The following KSR2 variants were observed in gnomAD, a reference collection of about 807,000 sequenced individuals.
KSR2 encodes kinase suppressor of ras 2.
In KSR2, 25 loss-of-function variants were observed where a neutral mutation model predicts 107.8. That is an observed-to-expected ratio of 0.23 (90% confidence interval 0.17 to 0.32). The LOEUF (loss-of-function observed/expected upper bound fraction) is 0.32. KSR2 is among the 10% of genes least tolerant of loss of function. The pLI is 1.00. For missense variants in KSR2, 887 were observed against 1,268.9 expected, an observed-to-expected ratio of 0.70 and a Z score of 4.57; for synonymous variants, 480 against 507.0, an observed-to-expected ratio of 0.95 and a Z score of 0.71.
At chr12:117,872,699 A>C (rs1259103924) in intron 1 of KSR2, among the ~76,000 whole-genome samples, 1 of 152,226 alleles carries the variant, frequency 6.6e-6, no homozygotes, top group Non-Finnish European at 1.5e-5. Context: ...CATGAGAAAC[A>C]TCCCTCTACT....
At position 117,467,477 on chromosome 12, in the gene KSR2, C is replaced by T. The variant is rs370373211; in HGVS notation, c.2847-272G>A. On this transcript the variant is annotated intron_variant, in intron 19 of 19. Transcript: ENST00000339824. ...GAAAATAATCAGAGACGAACTTCTA[C>T]GACAGAATCATACAATTTCACAGAT... 5.3e-5 allele frequency among the ~76,000 whole-genome samples: 8 copies of T among 152,344 alleles called. No homozygotes were observed. In the East Asian group the frequency reaches 1.2e-3, roughly 22 times the overall value.
At chr12:117,882,636 T>A (rs1416252069) in intron 1 of KSR2, among the ~76,000 whole-genome samples, 6 of 150,504 alleles carry the variant, frequency 4.0e-5, no homozygotes, top group African/African-American at 1.5e-4. Flanking sequence ...CATCCATCCA[T>A]CCAACAATCC....
chr12:117,569,502 G>GCAT (rs1878738369), intron 7 of KSR2, among the ~76,000 whole-genome samples: 1 of 152,206 alleles, frequency 6.6e-6, no homozygotes, highest in Non-Finnish European at 1.5e-5. Flanking sequence ...GGTTAACTCA[G>GCAT]GCTTCCAAAC....
chr12:117,837,003 G>A (rs1305216937), intron 3 of KSR2, among the ~76,000 whole-genome samples: 1 of 152,178 alleles, frequency 6.6e-6, no homozygotes, highest in Non-Finnish European at 1.5e-5. Context: ...CTTCTTTACA[G>A]TTCATTTTCT....
rs1893070955 is a variant in KSR2, at chr12:117,855,476, C to A, written c.424G>T (p.Ala142Ser). The part of the protein sequence containing the change: ...EKYGANREEC[A>S]RLNASLSCLR... ...CAGGAGAGGGAGGCGTTGAGGCGGG[C>A]ACACTCCTCCCGGTTGGCTCCGTAT... The change falls in exon 3 of 20, where the codon GCC becomes TCC. Residue 142 changes from alanine to serine, a missense_variant. Ala to Ser is a moderately conservative substitution (Grantham distance 99, BLOSUM62 1). This residue lies in a region of KSR2 where 399 missense variants were observed against 479.5 expected (regional missense o/e 0.83). Coordinates refer to ENST00000339824, the MANE Select transcript of KSR2 (RefSeq NM_173598.6). 6.2e-7 allele frequency: 1 copy of A among 1,613,930 alleles called. No homozygotes were observed. Among genetic ancestry groups the A allele is most frequent in the Non-Finnish European group, 8.5e-7 (1 of 1,179,908 alleles).
At chr12:117,628,411 T>C (rs1424759767) in intron 5 of KSR2, among the ~76,000 whole-genome samples, 2 of 152,230 alleles carry the variant, frequency 1.3e-5, no homozygotes, top group Non-Finnish European at 2.9e-5. Flanking sequence ...TTGATGTTTA[T>C]GCTATTCCTT....
intron 4 of KSR2, among the ~76,000 whole-genome samples, chr12:117,684,338 C>T (rs1164167251): frequency 2.0e-5 from 3 of 152,150 alleles, no homozygotes; most frequent in Non-Finnish European, 4.4e-5. Flanking sequence ...TTTCTGGCTC[C>T]CAGCACCCAG....
At chr12:117,846,984 G>A (rs957259473) in intron 3 of KSR2, among the ~76,000 whole-genome samples, 5 of 152,232 alleles carry the variant, frequency 3.3e-5, no homozygotes, top group Admixed American at 6.5e-5. Context: ...AGCCATTTGC[G>A]CCTAAGCGCG....
At chr12:117,795,351 C>G (rs993196023) in intron 3 of KSR2, among the ~76,000 whole-genome samples, 4 of 152,222 alleles carry the variant, frequency 2.6e-5, no homozygotes, top group African/African-American at 9.6e-5. Flanking sequence ...TTGCCTCCTC[C>G]TGGCAGATAC....
chr12:117,912,378 G>T (rs1479608082), intron 1 of KSR2, among the ~76,000 whole-genome samples: 7 of 152,138 alleles, frequency 4.6e-5, no homozygotes, highest in Admixed American at 2.0e-4. Context: ...ATATTCCTCT[G>T]GGAGACACAA....
chr12:117,538,372 T>C (rs1195657310), intron 10 of KSR2, among the ~76,000 whole-genome samples: 1 of 152,144 alleles, frequency 6.6e-6, no homozygotes, highest in Non-Finnish European at 1.5e-5. Context: ...TCTGTGGATA[T>C]AACCCAAATC....
At chr12:117,621,626 A>T (rs560972200) in intron 5 of KSR2, among the ~76,000 whole-genome samples, 4 of 152,166 alleles carry the variant, frequency 2.6e-5, no homozygotes, top group African/African-American at 4.8e-5. Context: ...TGTCATCAAC[A>T]CAGACCTCCT....
chr12:117,515,440 C>T (rs1037992872), intron 14 of KSR2, among the ~76,000 whole-genome samples: 10 of 152,098 alleles, frequency 6.6e-5, no homozygotes, highest in African/African-American at 2.4e-4. Flanking sequence ...TGTGTTAATC[C>T]ATTCAACAAG....
chr12:117,817,961 C>T (rs370528939), intron 3 of KSR2, among the ~76,000 whole-genome samples: 24 of 152,116 alleles, frequency 1.6e-4, no homozygotes, highest in African/African-American at 5.1e-4. Context: ...ATTAGCCAGG[C>T]GTGGTGGTGC....
chr12:117,548,449 TA>T (rs1877047393), intron 9 of KSR2, among the ~76,000 whole-genome samples: 1 of 152,216 alleles, frequency 6.6e-6, no homozygotes, highest in South Asian at 2.1e-4. Flanking sequence ...ATTTTCTTAA[TA>T]ACATTTTCTT....
chr12:117,772,246 TCA>T (rs1566006535), intron 3 of KSR2, among the ~76,000 whole-genome samples: 1 of 17,024 alleles, frequency 5.9e-5, no homozygotes, highest in African/African-American at 3.2e-4. Flanking sequence ...GCACAAACAC[TCA>T]CACATACACA....
chr12:117,729,241 C>A (rs1435319273), intron 4 of KSR2, among the ~76,000 whole-genome samples: 3 of 151,844 alleles, frequency 2.0e-5, no homozygotes, highest in Non-Finnish European at 4.4e-5. Flanking sequence ...GCGTGGAATT[C>A]CCAGCTGACC....
At chr12:117,919,572 A>G (rs1463172711) in intron 1 of KSR2, among the ~76,000 whole-genome samples, 1 of 152,242 alleles carries the variant, frequency 6.6e-6, no homozygotes, top group Non-Finnish European at 1.5e-5. Context: ...TAAACTATGG[A>G]ACATCCATAG....
At chr12:117,518,933 C>T (rs539991871) in intron 14 of KSR2, among the ~76,000 whole-genome samples, 12 of 152,318 alleles carry the variant, frequency 7.9e-5, no homozygotes, top group East Asian at 5.8e-4. Flanking sequence ...TCTGACCCAT[C>T]GATCACCCTG....
Sources: allele counts gnomAD v4.1 joint callset (sites outside exome capture counted in the v4.1 genomes callset), GRCh38; gene constraint gnomAD v4.1.1; regional missense constraint gnomAD v4.1.1; transcripts MANE v1.5; gene names NCBI Gene and HGNC (gene_info 2026-07-23, HGNC 2026-07-21).